DIAPH3: variants seen among roughly 807,000 people sequenced by gnomAD.
The protein encoded by DIAPH3 is protein diaphanous homolog 3.
A neutral mutation model predicts 144.3 loss-of-function variants in DIAPH3; 117 were observed. The ratio of observed to expected loss-of-function variants is 0.81; its 90% CI spans 0.70 to 0.95. DIAPH3 has a LOEUF of 0.95. Ranked by LOEUF, DIAPH3 falls within the 40% of genes least tolerant of loss-of-function variation. The pLI, the probability that DIAPH3 is intolerant of heterozygous loss-of-function variation, is 0.00. For synonymous variants in DIAPH3, 519 were observed against 488.9 expected, an observed-to-expected ratio of 1.06 and a Z score of -0.81; for missense variants, 1,421 against 1,412.7, an observed-to-expected ratio of 1.01 and a Z score of -0.09.
At chr13:59,925,719 G>C (rs988332322) in intron 17 of DIAPH3, among the ~76,000 whole-genome samples, 4 of 152,022 alleles carry the variant, frequency 2.6e-5, no homozygotes, top group African/African-American at 9.7e-5. Flanking sequence ...CTCATTATTG[G>C]TCTGCTCAGG....
chr13:60,162,631 T>C (rs903749917), intron 1 of DIAPH3, among the ~76,000 whole-genome samples: 2 of 152,212 alleles, frequency 1.3e-5, no homozygotes, highest in African/African-American at 2.4e-5. Flanking sequence ...ATATCTCATG[T>C]ATCAGAATAT....
At chr13:59,730,610 T>G (rs2035851068) in intron 27 of DIAPH3, among the ~76,000 whole-genome samples, 1 of 152,160 alleles carries the variant, frequency 6.6e-6, no homozygotes, top group African/African-American at 2.4e-5. Flanking sequence ...TAGTTAAAGG[T>G]AAAATGAAAT....
At chr13:59,675,469 T>C (rs926116713) in intron 27 of DIAPH3, among the ~76,000 whole-genome samples, 2 of 151,704 alleles carry the variant, frequency 1.3e-5, no homozygotes, top group South Asian at 2.1e-4. Context: ...ACTGCAAGCT[T>C]CGCCTCCCGG....
At chr13:59,976,929 T>G (rs983656636) in intron 14 of DIAPH3, among the ~76,000 whole-genome samples, 1 of 151,902 alleles carries the variant, frequency 6.6e-6, no homozygotes, top group Non-Finnish European at 1.5e-5. Flanking sequence ...TTTTTGAATG[T>G]TGCTATTCTT....
At chr13:59,961,948 A>C (rs1259290897) in intron 17 of DIAPH3, among the ~76,000 whole-genome samples, 1 of 152,188 alleles carries the variant, frequency 6.6e-6, no homozygotes, top group African/African-American at 2.4e-5. Flanking sequence ...TGACCTAAGT[A>C]TACTTTTATT....
At chr13:59,850,707 C>T (rs1000203529) in intron 22 of DIAPH3, among the ~76,000 whole-genome samples, 10 of 151,892 alleles carry the variant, frequency 6.6e-5, no homozygotes, top group African/African-American at 2.4e-4. Flanking sequence ...ACCACTGATC[C>T]CACAGAAATA....
chr13:59,824,620 T>C (rs989585686), intron 24 of DIAPH3, among the ~76,000 whole-genome samples: 9 of 152,102 alleles, frequency 5.9e-5, no homozygotes, highest in Non-Finnish European at 1.3e-4. Flanking sequence ...GAGATATATA[T>C]AGGAAATTAA....
At chr13:59,942,640 A>T (rs959722757) in intron 17 of DIAPH3, among the ~76,000 whole-genome samples, 1 of 152,178 alleles carries the variant, frequency 6.6e-6, no homozygotes, top group African/African-American at 2.4e-5. Flanking sequence ...AATGATAGTT[A>T]TTGTTAACAA....
At chr13:60,061,229 C>T (rs965092102) in intron 4 of DIAPH3, among the ~76,000 whole-genome samples, 2 of 151,930 alleles carry the variant, frequency 1.3e-5, no homozygotes, top group Non-Finnish European at 2.9e-5. Flanking sequence ...GTTTTAGGAG[C>T]TAGATGTCCA....
At chr13:59,884,716 A>G (rs987860034) in intron 20 of DIAPH3, among the ~76,000 whole-genome samples, 1 of 151,538 alleles carries the variant, frequency 6.6e-6, no homozygotes, top group Non-Finnish European at 1.5e-5. Flanking sequence ...TAACAGACCA[A>G]TATGTTCATG....
At chr13:59,844,547 T>C (rs918872011) in intron 22 of DIAPH3, among the ~76,000 whole-genome samples, 1 of 150,524 alleles carries the variant, frequency 6.6e-6, no homozygotes, top group Non-Finnish European at 1.5e-5. Context: ...AAAAACTATA[T>C]CAGGGAGTAT....
At chr13:59,932,309 C>A (rs1442382102) in intron 17 of DIAPH3, among the ~76,000 whole-genome samples, 1 of 152,066 alleles carries the variant, frequency 6.6e-6, no homozygotes, top group Admixed American at 6.6e-5. Context: ...ATTTACTGAA[C>A]CCCTATTAAG....
intron 27 of DIAPH3, among the ~76,000 whole-genome samples, chr13:59,709,123 TA>T (rs2034585747): frequency 6.6e-6 from 1 of 152,216 alleles, no homozygotes; most frequent in Admixed American, 6.5e-5. Flanking sequence ...AATGAATACA[TA>T]ATCTTTTGTA....
chr13:59,752,199 T>C (rs1191014850), intron 27 of DIAPH3, among the ~76,000 whole-genome samples: 2 of 152,166 alleles, frequency 1.3e-5, no homozygotes, highest in African/African-American at 4.8e-5. Context: ...ACAAATACTC[T>C]ATAAGGTAGG....
At chr13:59,732,175 GA>G (rs1015168810) in intron 27 of DIAPH3, among the ~76,000 whole-genome samples, 1 of 150,036 alleles carries the variant, frequency 6.7e-6, no homozygotes, top group Admixed American at 6.6e-5. Flanking sequence ...GTCCTCTTGT[GA>G]AAAAAAAAGT....
At chr13:59,788,222 A>G (rs2039135152) in intron 25 of DIAPH3, among the ~76,000 whole-genome samples, 1 of 152,230 alleles carries the variant, frequency 6.6e-6, no homozygotes, top group East Asian at 1.9e-4. Context: ...ATGATAAATC[A>G]GTATTGGTGA....
intron 20 of DIAPH3, among the ~76,000 whole-genome samples, chr13:59,909,113 CA>C (rs2046872526): frequency 6.6e-6 from 1 of 152,064 alleles, no homozygotes; most frequent in South Asian, 2.1e-4. Context: ...ACAAACACTT[CA>C]AAAAGTTTAT....
At chr13:60,067,773 T>C (rs903467482) in intron 4 of DIAPH3, among the ~76,000 whole-genome samples, 5 of 152,194 alleles carry the variant, frequency 3.3e-5, no homozygotes, top group African/African-American at 7.2e-5. Context: ...TTTATCTGAT[T>C]TTTTTCATAA....
rs563595747 is a variant in DIAPH3 at position 59,901,918 on chromosome 13, C to T, written c.2367+9817G>A. 4.3e-4 allele frequency among the ~76,000 whole-genome samples: 66 copies of T among 152,320 alleles called. 2 individuals are homozygous for T. In the South Asian group the frequency reaches 8.3e-3, roughly 19 times the overall value. ...GATCTTGGCTCACTGCACCCTCTGC[C>T]TCCCCAGTTCATGCGATTCTCATGC... On this transcript the variant is annotated intron_variant, in intron 20 of 27. Coordinates refer to ENST00000400324, the MANE Select transcript of DIAPH3 (RefSeq NM_001042517.2).
Sources: gnomAD v4.1 joint callset for allele counts (sites outside exome capture counted in the v4.1 genomes callset) on GRCh38, gnomAD v4.1.1 for gene constraint, MANE v1.5 for transcripts, NCBI Gene and HGNC (gene_info 2026-07-23, HGNC 2026-07-21) for gene names.